Variants in ABCG5 observed in about 807,000 individuals in gnomAD.
ABCG5 encodes the protein ATP-binding cassette sub-family G member 5.
A neutral mutation model predicts 64.5 loss-of-function variants in ABCG5; 64 were observed. The observed-to-expected ratio is 0.99, with a 90% confidence interval of 0.81 to 1.22. The LOEUF (loss-of-function observed/expected upper bound fraction) is 1.22. ABCG5 is among the 50% of genes most tolerant of loss of function. The probability of loss-of-function intolerance (pLI) is 0.00; values close to 1 mark genes in which losing one functional copy is unlikely to be tolerated. For missense variants in ABCG5, 908 were observed against 829.5 expected (o/e 1.09, Z -1.16); for synonymous variants, 385 against 326.3 (o/e 1.18, Z -1.94).
chr2:43,827,815 C>T (rs1455506425), intron 5 of ABCG5, among the ~76,000 whole-genome samples, 168 bp downstream of exon 5: 2 of 152,188 alleles, frequency 1.3e-5, no homozygotes, highest in African/African-American at 4.8e-5. Flanking sequence ...AGGAAATGAA[C>T]TGTACAGCAT....
At chr2:43,831,115 T>C (rs1667922478) in intron 4 of ABCG5, among the ~76,000 whole-genome samples, 1 of 152,184 alleles carries the variant, frequency 6.6e-6, no homozygotes, top group African/African-American at 2.4e-5. Context: ...TTTAATAACA[T>C]ATTATTTACA....
chr2:43,812,313 G>A (rs1027425009), downstream of ABCG5, among the ~76,000 whole-genome samples: 1 of 116,324 alleles, frequency 8.6e-6, no homozygotes, highest in African/African-American at 3.4e-5. Context: ...AAGTTTACTT[G>A]TAATTCTTTT....
At chr2:43,821,170 CT>C in intron 10 of ABCG5, among the ~76,000 whole-genome samples, 1 of 152,324 alleles carries the variant, frequency 6.6e-6, no homozygotes, top group South Asian at 2.1e-4. Flanking sequence ...TACTTTTCCT[CT>C]GTACAAATCA....
intron 9 of ABCG5, 44 bp from the exon 10 acceptor site, chr2:43,822,979 G>A (rs1240599292): frequency 6.2e-7 from 1 of 1,609,800 alleles, no homozygotes; most frequent in Non-Finnish European, 8.5e-7. Flanking sequence ...TCACCACCCA[G>A]CTGAAAAAGG....
intron 11 of ABCG5, among the ~76,000 whole-genome samples, chr2:43,819,234 A>G (rs1489720007): frequency 1.3e-5 from 2 of 152,098 alleles, no homozygotes; most frequent in East Asian, 3.8e-4. Context: ...GATCATTTTT[A>G]GCCTTTTAAA....
Position 43,824,294 on chromosome 2 carries a change from A to C in ABCG5, c.1043T>G (p.Leu348Arg), listed in dbSNP as rs374824368. 5.8e-5 allele frequency: 93 copies of C among 1,614,048 alleles called. No homozygotes were observed. The highest frequency in any genetic ancestry group is 7.7e-5 in the Non-Finnish European group (91 of 1,180,012). The change falls in exon 8 of 13, where the codon CTG (leucine) becomes CGG (arginine). Residue 348 changes from leucine to arginine, a missense_variant. By Grantham distance (102) the Leu-to-Arg change is moderately radical (BLOSUM62 -2). Transcript: ENST00000405322. ...TLKNIERMKH[L>R]KTLPMVPFKT... is the part of the protein sequence containing the mutation. ...GAAAGGAACCATTGGTAACGTTTTC[A>C]GGTGTTTCATTCTTTCAATATTCTT...
intron 4 of ABCG5, among the ~76,000 whole-genome samples, chr2:43,828,676 A>C (rs1667784417): frequency 6.6e-6 from 1 of 150,444 alleles, no homozygotes; most frequent in Non-Finnish European, 1.5e-5. Context: ...ATAAAATAAA[A>C]TAAAATGGGC....
At chr2:43,836,548 A>T (rs13425681) in intron 2 of ABCG5, among the ~76,000 whole-genome samples, 67,481 of 151,938 alleles carry the variant, frequency 0.44, 16,018 homozygotes, top group East Asian at 0.84. Flanking sequence ...GCCACACAGA[A>T]CCCCTCTTCA....
chr2:43,815,064 C>G (rs1429288723), intron 11 of ABCG5, among the ~76,000 whole-genome samples: 2 of 152,114 alleles, frequency 1.3e-5, no homozygotes, highest in East Asian at 3.8e-4. Context: ...AAAATACAGA[C>G]CTAACACATA....
chr2:43,811,901 AT>A (rs1666497959), downstream of ABCG5, among the ~76,000 whole-genome samples: 1 of 152,102 alleles, frequency 6.6e-6, no homozygotes, highest in South Asian at 2.1e-4. Flanking sequence ...GCCAGAACCC[AT>A]TTTTAATAAC....
intron 11 of ABCG5, among the ~76,000 whole-genome samples, chr2:43,816,973 G>A (rs188815342): frequency 1.3e-5 from 2 of 152,282 alleles, no homozygotes; most frequent in East Asian, 3.9e-4. Flanking sequence ...TAAAAGAGAA[G>A]GGAGCCAACA....
rs750626031 is a variant in ABCG5 at position 43,832,058 on chromosome 2, G to A, written c.291C>T (p.Asp97=). The stretch of plus-strand genomic sequence containing the variant: ...CGCGCCCCAGCCTCCCGGACATGGC[G>A]TCCAGCAGCGTGGTTTTCCCGGAGC... ...SSGSGKTTLL[D]AMSGRLGRAG... The change falls in exon 3 of 13, where the codon GAC becomes GAT. Residue 97 remains aspartate (D), a synonymous_variant. Transcript: ENST00000405322. 2 of 1,582,626 alleles carry A rather than the reference G, an allele frequency of 1.3e-6. No individual in the cohort carries two copies. Among genetic ancestry groups the A allele is most frequent in the South Asian group, 2.3e-5 (2 of 86,172 alleles).
chr2:43,807,743 C>CAAAA (rs536977133), downstream of ABCG5, among the ~76,000 whole-genome samples: 127 of 41,642 alleles, frequency 3.0e-3, 9 homozygotes, highest in African/African-American at 6.8e-3. Context: ...TTTGTTAAAG[C>CAAAA]AAAAAAAAAA....
chr2:43,807,818 A>G (rs1666325029), downstream of ABCG5, among the ~76,000 whole-genome samples: 3 of 150,376 alleles, frequency 2.0e-5, no homozygotes, highest in Admixed American at 2.0e-4. Context: ...GGCCAACCAC[A>G]GTTATCTTCG....
rs752336493 is a variant in ABCG5, at chr2:43,824,982, G to C, written c.811C>G (p.Leu271Val). ...TCCGCTGGCGTGCCACAGAAAATCA[G>C]CTCTCCGAAGCTCAGGATGGCAATT... Reference protein sequence around the residue: ...DKIAILSFGELIFCGTPAEML... With the variant: ...DKIAILSFGEVIFCGTPAEML... The change falls in exon 7 of 13, where the codon CTG (leucine) becomes GTG (valine). Residue 271 changes from leucine (L) to valine (V), a missense_variant. Transcript: ENST00000405322. The C allele has an allele frequency of 6.2e-7, 1 of 1,613,988 alleles. No homozygotes were observed. Among genetic ancestry groups the C allele is most frequent in the Non-Finnish European group, 8.5e-7 (1 of 1,179,938 alleles).
intron 12 of ABCG5, 56 bp downstream of exon 12, chr2:43,814,421 G>T (rs1666684877): frequency 2.7e-6 from 3 of 1,122,912 alleles, no homozygotes; most frequent in Non-Finnish European, 4.0e-6. Context: ...TTTCCTCCAA[G>T]AAATTGCTTC....
downstream of ABCG5, among the ~76,000 whole-genome samples, chr2:43,807,743 CAAAAAAAAAAAA>C (rs536977133): frequency 6.5e-4 from 27 of 41,630 alleles, no homozygotes; most frequent in South Asian, 6.4e-3. Flanking sequence ...TTTGTTAAAG[CAAAAAAAAAAAA>C]AAAAAAAAAA....
Position 43,813,224 on chromosome 2 carries a change from T to G in ABCG5, c.1848A>C (p.Ala616=). The change falls in exon 13 of 13, where the codon GCA becomes GCC. Residue 616 remains alanine (A), a synonymous_variant. Transcript: ENST00000405322. ...GAAAGTTCATTGTGAATCTAGATGT[T>G]GCACCTGGGCAGGTTTTCTCAATGA... The part of the protein sequence containing the change: ...IQFIEKTCPG[A]TSRFTMNFLI... 1 of 1,613,138 alleles carries G rather than the reference T, an allele frequency of 6.2e-7. No individual in the cohort carries two copies. Among genetic ancestry groups the G allele is most frequent in the Non-Finnish European group, 8.5e-7 (1 of 1,179,172 alleles).
intron 10 of ABCG5, among the ~76,000 whole-genome samples, chr2:43,821,552 T>G (rs1375001164): frequency 6.6e-6 from 1 of 152,182 alleles, no homozygotes; most frequent in African/African-American, 2.4e-5. Context: ...GGACCCCTTC[T>G]GCCATTCTTT....
Sources: gnomAD v4.1 joint callset for allele counts (sites outside exome capture counted in the v4.1 genomes callset) on GRCh38, gnomAD v4.1.1 for gene constraint, MANE v1.5 for transcripts, NCBI Gene and HGNC (gene_info 2026-07-23, HGNC 2026-07-21) for gene names.